Variants in CCDC146 observed in about 807,000 individuals in gnomAD.
CCDC146 encodes the protein coiled-coil domain containing 146, also known as coiled-coil domain-containing protein 146.
A neutral mutation model predicts 119.3 loss-of-function variants in CCDC146; 92 were observed. That is an observed-to-expected ratio of 0.77 (90% CI 0.65 to 0.92). CCDC146 has a LOEUF of 0.92. Ranked by LOEUF, CCDC146 falls within the 40% of genes least tolerant of loss-of-function variation. The pLI, the probability that CCDC146 is intolerant of heterozygous loss-of-function variation, is 0.00. For synonymous variants in CCDC146, 372 were observed against 371.8 expected, an observed-to-expected ratio of 1.00 and a Z score of -0.01; for missense variants, 1,000 against 1,103.0, an observed-to-expected ratio of 0.91 and a Z score of 1.32.
At chr7:77,155,865 C>G (rs1791171486) in intron 1 of CCDC146, among the ~76,000 whole-genome samples, 3 of 152,034 alleles carry the variant, frequency 2.0e-5, no homozygotes, top group Admixed American at 2.0e-4. Context: ...CATGAGCCCA[C>G]ATGTTATACC....
intron 2 of CCDC146, among the ~76,000 whole-genome samples, chr7:77,177,415 A>C (rs1278487950): frequency 6.6e-6 from 1 of 152,128 alleles, no homozygotes; most frequent in African/African-American, 2.4e-5. Flanking sequence ...CTGTAATAGG[A>C]GTTTTGAGAT....
intron 1 of CCDC146, among the ~76,000 whole-genome samples, chr7:77,149,655 A>T (rs950667171): frequency 4.6e-5 from 7 of 151,810 alleles, no homozygotes; most frequent in African/African-American, 1.7e-4. Context: ...AATCCCAGCT[A>T]CTCTGGATAC....
At chr7:77,236,897 A>T in intron 2 of CCDC146, 50 bp from the exon 3 acceptor site, 2 of 1,364,044 alleles carry the variant, frequency 1.5e-6, no homozygotes, top group Non-Finnish European at 2.1e-6. Context: ...TCCCCTGCTT[A>T]AGCCTAAAGA....
chr7:77,284,519 A>G (rs1054301986), intron 15 of CCDC146, among the ~76,000 whole-genome samples: 4 of 152,072 alleles, frequency 2.6e-5, no homozygotes, highest in Admixed American at 1.3e-4. Flanking sequence ...GAGCAACACA[A>G]AAGATCTTTA....
chr7:77,133,182 A>T (rs551472862), intron 1 of CCDC146, among the ~76,000 whole-genome samples: 55 of 151,796 alleles, frequency 3.6e-4, no homozygotes, highest in East Asian at 5.8e-4. Flanking sequence ...AAAAAAAAAA[A>T]TTTTTTTTGG....
chr7:77,230,932 C>A (rs1024826742), intron 2 of CCDC146, among the ~76,000 whole-genome samples: 2 of 152,202 alleles, frequency 1.3e-5, no homozygotes, highest in African/African-American at 4.8e-5. Context: ...TAGTCCCCCC[C>A]ACCATCTGCA....
chr7:77,206,157 A>G (rs746669373), intron 2 of CCDC146, among the ~76,000 whole-genome samples: 1 of 152,240 alleles, frequency 6.6e-6, no homozygotes, highest in Non-Finnish European at 1.5e-5. Context: ...AATCACAAAG[A>G]CAAGATCTAT....
intron 3 of CCDC146, among the ~76,000 whole-genome samples, chr7:77,240,978 T>TG (rs1017531200): frequency 4.6e-5 from 7 of 150,746 alleles, no homozygotes; most frequent in African/African-American, 9.8e-5. Flanking sequence ...TTTTGTTTTT[T>TG]TTTGTTTGTT....
chr7:77,241,844 A>G lies in CCDC146; in HGVS notation c.393A>G (p.Gln131=). The part of the protein sequence containing the change: ...SKMREQLLKY[Q]NEYNAVKERE... ...TGAGAGAACAACTTCTCAAGTATCA[A>G]AATGAATATAATGCAGTGAAGGAAA... Residue 131 remains glutamine (Q), a synonymous_variant, in exon 4 of 19, where the codon CAA becomes CAG. Transcript: ENST00000285871. The G allele has an allele frequency of 3.1e-6, 5 of 1,614,086 alleles. No individual in the cohort carries two copies. The highest frequency in any genetic ancestry group is 4.2e-6 in the Non-Finnish European group (5 of 1,179,982).
At chr7:77,238,039 T>C (rs1218930725) in intron 3 of CCDC146, among the ~76,000 whole-genome samples, 1 of 152,192 alleles carries the variant, frequency 6.6e-6, no homozygotes, top group Non-Finnish European at 1.5e-5. Context: ...TTTGGCTACT[T>C]TGAGGGTAAA....
At position 77,138,482 on chromosome 7, in the gene CCDC146, T is replaced by C. The variant is rs191489767; in HGVS notation, c.-12+15750T>C. On this transcript the variant is annotated intron_variant, in intron 1 of 18. Transcript: ENST00000285871. The stretch of plus-strand genomic sequence containing the variant: ...ATGACCTTGGGTTTGGTGAATACTT[T>C]TTAGATACAACTCCAAAAGCATGAT... Among the ~76,000 whole-genome samples, 95 of 152,258 alleles carry C rather than the reference T, an allele frequency of 6.2e-4. 1 individual carries two copies. The highest frequency in any genetic ancestry group is 2.2e-3 in the African/African-American group (90 of 41,572).
intron 1 of CCDC146, among the ~76,000 whole-genome samples, chr7:77,143,264 T>C (rs1478701992): frequency 4.0e-5 from 6 of 150,404 alleles, no homozygotes; most frequent in Admixed American, 2.6e-4. Flanking sequence ...ATGGGGTTGT[T>C]TGATTTTTTT....
chr7:77,203,873 A>G (rs1374812707), intron 2 of CCDC146, among the ~76,000 whole-genome samples: 2 of 152,230 alleles, frequency 1.3e-5, no homozygotes, highest in Non-Finnish European at 2.9e-5. Flanking sequence ...ATTTATTTCT[A>G]TAAGCCGCAT....
At chr7:77,177,874 G>A (rs1584044750) in intron 2 of CCDC146, among the ~76,000 whole-genome samples, 1 of 152,072 alleles carries the variant, frequency 6.6e-6, no homozygotes, top group African/African-American at 2.4e-5. Context: ...TTAAAGAGAC[G>A]GATAGTTTAT....
intron 17 of CCDC146, among the ~76,000 whole-genome samples, chr7:77,291,514 A>G (rs1793943112): frequency 6.6e-6 from 1 of 151,828 alleles, no homozygotes; most frequent in African/African-American, 2.4e-5. Flanking sequence ...AGACCTGCCT[A>G]GGCAACATGG....
rs548447388 is a variant in CCDC146 at position 77,150,584 on chromosome 7, G to A, written c.-11-17074G>A. ...TGTGTTAACAAGGATGTGGAGCAGC[G>A]GGAACCCTGGTACGTTATTGGTAGG... On this transcript the variant is annotated intron_variant, in intron 1 of 18. Transcript: ENST00000285871. Among the ~76,000 whole-genome samples, 56 of 152,260 alleles carry A rather than the reference G, an allele frequency of 3.7e-4. 1 individual carries two copies. The highest frequency in any genetic ancestry group is 2.9e-3 in the Admixed American group (44 of 15,290).
chr7:77,188,628 C>T (rs1477925822), intron 2 of CCDC146, among the ~76,000 whole-genome samples: 4 of 152,136 alleles, frequency 2.6e-5, no homozygotes, highest in East Asian at 1.9e-4. Flanking sequence ...CAAGAAGATG[C>T]AGTATTTGAG....
chr7:77,145,504 G>A (rs1272519480), intron 1 of CCDC146, among the ~76,000 whole-genome samples: 2 of 151,752 alleles, frequency 1.3e-5, no homozygotes, highest in African/African-American at 2.4e-5. Context: ...TTTTAATTGT[G>A]ATGTTAGGGT....
intron 1 of CCDC146, among the ~76,000 whole-genome samples, chr7:77,145,655 C>T (rs1307888450): frequency 1.3e-5 from 2 of 152,078 alleles, no homozygotes; most frequent in Admixed American, 6.6e-5. Context: ...ATCTTTATTT[C>T]TGCCTTCACT....
Sources: gnomAD v4.1 joint callset for allele counts (sites outside exome capture counted in the v4.1 genomes callset) on GRCh38, gnomAD v4.1.1 for gene constraint, MANE v1.5 for transcripts, NCBI Gene and HGNC (gene_info 2026-07-23, HGNC 2026-07-21) for gene names.